Variants in ERC2 observed in about 807,000 individuals in gnomAD.
ERC2 encodes the protein ELKS/RAB6-interacting/CAST family member 2, also known as ERC protein 2.
ERC2 carries 42 observed loss-of-function variants against 114.8 expected under a neutral mutation model. The observed-to-expected ratio is 0.37, with a 90% CI of 0.29 to 0.47. ERC2 has a LOEUF of 0.47. Ranked by LOEUF, ERC2 falls within the 20% of genes least tolerant of loss-of-function variation. The pLI, the probability that ERC2 is intolerant of heterozygous loss-of-function variation, is 0.99. For missense variants in ERC2, 939 were observed against 1,150.7 expected (o/e 0.82, Z 2.66); for synonymous variants, 454 against 425.5 (o/e 1.07, Z -0.82).
chr3:56,427,974 G>A (rs147086360), intron 2 of ERC2, among the ~76,000 whole-genome samples: 1,605 of 152,206 alleles, frequency 0.011, 33 homozygotes, highest in African/African-American at 0.037. Context: ...CAGAAAATCC[G>A]TTTTGAAAAG....
chr3:56,019,158 T>C, intron 7 of ERC2, 127 bp from the exon 8 acceptor site: 2 of 732,588 alleles, frequency 2.7e-6, no homozygotes, highest in Non-Finnish European at 4.4e-6. Context: ...TCAGTAGCTT[T>C]GACTTAGACA....
intron 15 of ERC2, among the ~76,000 whole-genome samples, chr3:55,714,665 GTGTATATATATATA>G (rs1373585274): frequency 1.0e-3 from 37 of 36,674 alleles, no homozygotes; most frequent in African/African-American, 1.4e-3. Context: ...GTGTGTGTGT[GTGTATATATATATA>G]TATATATATA....
intron 12 of ERC2, among the ~76,000 whole-genome samples, chr3:55,954,725 T>C (rs1342267296): frequency 6.6e-6 from 1 of 152,162 alleles, no homozygotes; most frequent in Non-Finnish European, 1.5e-5. Flanking sequence ...AGGAGGAGTA[T>C]AATTAACGAA....
intron 7 of ERC2, among the ~76,000 whole-genome samples, chr3:56,066,772 G>A (rs2149719093): frequency 6.6e-6 from 1 of 152,140 alleles, no homozygotes; most frequent in Non-Finnish European, 1.5e-5. Context: ...TCTGCATATG[G>A]CCTATTTTCC....
intron 2 of ERC2, among the ~76,000 whole-genome samples, chr3:56,428,907 C>T (rs138119692): frequency 7.7e-4 from 118 of 152,326 alleles, no homozygotes; most frequent in African/African-American, 2.6e-3. Context: ...AGATCTAGTA[C>T]AATCTCCGAG....
At chr3:56,442,678 G>T (rs2062374427) in intron 1 of ERC2, among the ~76,000 whole-genome samples, 1 of 152,112 alleles carries the variant, frequency 6.6e-6, no homozygotes, top group Non-Finnish European at 1.5e-5. Flanking sequence ...CATATGTATT[G>T]GGACTGTCCC....
chr3:55,992,070 C>A lies in ERC2; in HGVS notation c.2242G>T (p.Ala748Ser), dbSNP rs375230426. The change falls in exon 11 of 18, where the codon GCA (alanine) becomes TCA (serine). Residue 748 changes from alanine to serine, a missense_variant. Coordinates refer to ENST00000288221, the MANE Select transcript of ERC2 (RefSeq NM_015576.3). ...NEKNDKDKKI[A>S]ELESLTLRHM... ...TGTAAAATTTACCTCTCCAGTTCTG[C>A]GATCTTCTTGTCCTTGTCATTCTTC... The A allele has an allele frequency of 1.9e-6, 3 of 1,613,010 alleles. No individual in the cohort carries two copies. Among genetic ancestry groups the A allele is most frequent in the Admixed American group, 3.3e-5 (2 of 59,854 alleles).
intron 1 of ERC2, among the ~76,000 whole-genome samples, chr3:56,454,121 C>T (rs767056746): frequency 5.3e-5 from 8 of 152,168 alleles, no homozygotes; most frequent in South Asian, 2.1e-4. Flanking sequence ...ATGATTCAAC[C>T]CTGTACCTTC....
chr3:56,063,261 C>T (rs1477757991), intron 7 of ERC2, among the ~76,000 whole-genome samples: 1 of 152,160 alleles, frequency 6.6e-6, no homozygotes, highest in Non-Finnish European at 1.5e-5. Flanking sequence ...GGGAGGATTA[C>T]AGAAGTGCCC....
At chr3:55,588,967 G>A (rs944627013) in intron 17 of ERC2, among the ~76,000 whole-genome samples, 1 of 152,064 alleles carries the variant, frequency 6.6e-6, no homozygotes, top group Non-Finnish European at 1.5e-5. Flanking sequence ...CAATACAGAG[G>A]GAGGGTAGGG....
At chr3:56,332,337 C>A (rs944276653) in intron 2 of ERC2, among the ~76,000 whole-genome samples, 22 of 152,206 alleles carry the variant, frequency 1.4e-4, no homozygotes, top group African/African-American at 5.3e-4. Flanking sequence ...ATCATCATAA[C>A]AACAATAATA....
intron 2 of ERC2, among the ~76,000 whole-genome samples, chr3:56,300,280 C>CAAAAAAA (rs200816892): frequency 1.1e-5 from 1 of 93,216 alleles, no homozygotes. Context: ...TCATGAAATA[C>CAAAAAAA]AAAAAAAAAA....
chr3:55,791,974 T>C (rs1321629444), intron 14 of ERC2, among the ~76,000 whole-genome samples: 4 of 152,196 alleles, frequency 2.6e-5, no homozygotes, highest in Non-Finnish European at 5.9e-5. Context: ...AGGCTGGGCT[T>C]TCTCTCCAGA....
At chr3:55,942,879 A>G (rs2066897729) in intron 13 of ERC2, among the ~76,000 whole-genome samples, 1 of 152,214 alleles carries the variant, frequency 6.6e-6, no homozygotes, top group African/African-American at 2.4e-5. Flanking sequence ...GTTTGAATAT[A>G]TAGTTTGGCA....
At chr3:55,746,549 G>C (rs1255872015) in intron 14 of ERC2, among the ~76,000 whole-genome samples, 3 of 152,184 alleles carry the variant, frequency 2.0e-5, no homozygotes, top group Admixed American at 6.5e-5. Flanking sequence ...GCCTGGAGTG[G>C]ATCTTTGTAG....
intron 1 of ERC2, among the ~76,000 whole-genome samples, chr3:56,450,788 G>A (rs915907877): frequency 1.2e-4 from 18 of 152,088 alleles, no homozygotes; most frequent in African/African-American, 3.9e-4. Context: ...CTATGATCAC[G>A]CCGTTGCGCT....
chr3:55,582,684 C>A (rs1260453325), intron 17 of ERC2, among the ~76,000 whole-genome samples: 1 of 152,180 alleles, frequency 6.6e-6, no homozygotes, highest in Non-Finnish European at 1.5e-5. Context: ...CTGACCAGAG[C>A]CCTCCCTTGC....
At chr3:56,030,670 G>A (rs2074325738) in intron 7 of ERC2, among the ~76,000 whole-genome samples, 1 of 152,186 alleles carries the variant, frequency 6.6e-6, no homozygotes, top group South Asian at 2.1e-4. Context: ...AAAGAGTGAT[G>A]TCAGTAAGAT....
chr3:56,173,815 G>A (rs1227637335), intron 3 of ERC2: 2 of 298,380 alleles, frequency 6.7e-6, no homozygotes, highest in East Asian at 1.4e-4. Flanking sequence ...TGGGGCTGAT[G>A]CCCAGCCATC....
Sources: gnomAD v4.1 joint callset for allele counts (sites outside exome capture counted in the v4.1 genomes callset) on GRCh38, gnomAD v4.1.1 for gene constraint, MANE v1.5 for transcripts, NCBI Gene and HGNC (gene_info 2026-07-23, HGNC 2026-07-21) for gene names.